ADK: variants seen among roughly 807,000 people sequenced by gnomAD.
The protein encoded by ADK is adenosine kinase.
In ADK, 24 loss-of-function variants were observed where a neutral mutation model predicts 44.7. The observed-to-expected ratio is 0.54, with a 90% CI of 0.39 to 0.76. The LOEUF (loss-of-function observed/expected upper bound fraction) is 0.76. Among genes scored for constraint, ADK ranks in the 30% least tolerant of loss-of-function variants. The pLI, the probability that ADK is intolerant of heterozygous loss-of-function variation, is 0.00. For synonymous variants in ADK, 128 were observed against 142.6 expected (o/e 0.90, Z 0.73); for missense variants, 321 against 425.1 (o/e 0.76, Z 2.15).
intron 3 of ADK, among the ~76,000 whole-genome samples, chr10:74,291,809 G>GTAT (rs1847450423): frequency 6.6e-6 from 1 of 151,140 alleles, no homozygotes; most frequent in African/African-American, 2.4e-5. Flanking sequence ...TGTATTATGT[G>GTAT]TATCATAATG....
intron 7 of ADK, among the ~76,000 whole-genome samples, chr10:74,532,303 C>T (rs949214935): frequency 3.3e-5 from 5 of 151,926 alleles, no homozygotes; most frequent in South Asian, 2.1e-4. Flanking sequence ...CATTGCAAAA[C>T]CTCATCTCTA....
At chr10:74,587,144 CT>C (rs1416735983) in intron 7 of ADK, among the ~76,000 whole-genome samples, 2 of 151,948 alleles carry the variant, frequency 1.3e-5, no homozygotes, top group African/African-American at 4.8e-5. Flanking sequence ...TTTTTGTTGT[CT>C]TTTTCATATA....
chr10:74,619,454 CAA>C (rs778661291), intron 9 of ADK, among the ~76,000 whole-genome samples: 2 of 129,414 alleles, frequency 1.5e-5, no homozygotes, highest in Admixed American at 7.9e-5. Flanking sequence ...GTCTCTGTCT[CAA>C]AAAAAAAAAA....
chr10:74,476,871 C>G (rs1015747051), intron 6 of ADK, among the ~76,000 whole-genome samples: 1 of 152,128 alleles, frequency 6.6e-6, no homozygotes, highest in African/African-American at 2.4e-5. Flanking sequence ...TCTAGAATGT[C>G]ACATACATGA....
chr10:74,175,476 T>A (rs1183349312), intron 1 of ADK, among the ~76,000 whole-genome samples: 1 of 152,188 alleles, frequency 6.6e-6, no homozygotes. Context: ...GAATTAAAAT[T>A]AAATAAATTA....
intron 6 of ADK, among the ~76,000 whole-genome samples, chr10:74,417,692 A>G (rs778814676): frequency 7.9e-5 from 12 of 151,852 alleles, no homozygotes; most frequent in Non-Finnish European, 1.6e-4. Flanking sequence ...TTCCATAACT[A>G]TCATTTCTGG....
In ADK at chr10:74,353,411, G is replaced by A. The variant is rs115489075; in HGVS notation, c.273+38666G>A. 4.9e-3 allele frequency among the ~76,000 whole-genome samples: 746 copies of A among 152,140 alleles called. 4 individuals carry two copies. The highest frequency in any genetic ancestry group is 0.017 in the African/African-American group (702 of 41,510). ...ATAACATACCTGGGCCAGCTGGTGG[G>A]TAGGGGTCAAGGGGAGGGAGAGGAT... On this transcript the variant is annotated intron_variant, in intron 4 of 10. Transcript: ENST00000539909.
chr10:74,506,146 G>C (rs1024256519), intron 6 of ADK: 1 of 154,168 alleles, frequency 6.5e-6, no homozygotes, highest in Admixed American at 6.5e-5. Flanking sequence ...TAGCAATTCT[G>C]TACTCACATT....
chr10:74,505,524 T>TA (rs1848037184), intron 6 of ADK, among the ~76,000 whole-genome samples: 1 of 151,790 alleles, frequency 6.6e-6, no homozygotes, highest in African/African-American at 2.4e-5. Flanking sequence ...CCACTTTTTT[T>TA]TTTTTTTTTT....
chr10:74,376,098 T>C (rs1212079123), intron 4 of ADK, among the ~76,000 whole-genome samples: 2 of 152,144 alleles, frequency 1.3e-5, no homozygotes, highest in African/African-American at 4.8e-5. Flanking sequence ...GTTTGAACTC[T>C]GTATTTTTCT....
At chr10:74,637,430 G>A (rs978499013) in intron 9 of ADK, among the ~76,000 whole-genome samples, 6 of 152,210 alleles carry the variant, frequency 3.9e-5, no homozygotes, top group Admixed American at 3.3e-4. Flanking sequence ...GAATTGCTGT[G>A]AATGTTCTAA....
At chr10:74,172,036 G>A (rs1842173404) in intron 1 of ADK, among the ~76,000 whole-genome samples, 1 of 151,724 alleles carries the variant, frequency 6.6e-6, no homozygotes, top group Non-Finnish European at 1.5e-5. Context: ...TGTAACTGCT[G>A]ACACGACTGG....
intron 7 of ADK, chr10:74,527,500 AGAATGTGGAGGGACC>A (rs1249106655): frequency 3.3e-6 from 2 of 597,764 alleles, no homozygotes; most frequent in African/African-American, 3.7e-5. Context: ...AATTAAGGAG[AGAATGTGGAGGGACC>A]TTTTGAAAAA....
At chr10:74,606,191 C>T (rs1852318458) in intron 9 of ADK, among the ~76,000 whole-genome samples, 1 of 152,096 alleles carries the variant, frequency 6.6e-6, no homozygotes, top group South Asian at 2.1e-4. Flanking sequence ...TGCAAAAAAC[C>T]AGCTCCTGGA....
intron 3 of ADK, among the ~76,000 whole-genome samples, chr10:74,274,124 G>A (rs1846559845): frequency 1.3e-5 from 2 of 152,006 alleles, no homozygotes; most frequent in Admixed American, 1.3e-4. Context: ...ATTGACATAC[G>A]ACTTTTTACT....
rs565865743 is a variant in ADK, at chr10:74,548,072, G to A, written c.726+22646G>A. 6.6e-5 allele frequency among the ~76,000 whole-genome samples: 10 copies of A among 152,282 alleles called. No individual in the cohort carries two copies. In the East Asian group the frequency reaches 1.2e-3, roughly 18 times the overall value. ...CTCCCAAAGTGCTGGGATTACAGGC[G>A]TGAGTCACCACACCTGGCCACTTAA... On this transcript the variant is annotated intron_variant, in intron 7 of 10. Transcript: ENST00000539909.
At chr10:74,291,223 T>A (rs1193489828) in intron 3 of ADK, among the ~76,000 whole-genome samples, 1 of 152,130 alleles carries the variant, frequency 6.6e-6, no homozygotes, top group Non-Finnish European at 1.5e-5. Context: ...AAGACCATCC[T>A]GGCTAACACG....
intron 4 of ADK, among the ~76,000 whole-genome samples, chr10:74,381,898 G>A (rs1454633285): frequency 2.0e-5 from 3 of 152,142 alleles, no homozygotes; most frequent in African/African-American, 7.2e-5. Context: ...TTACTGCCTT[G>A]AGGGATTTTG....
At chr10:74,329,548 A>G (rs992367543) in intron 4 of ADK, among the ~76,000 whole-genome samples, 4 of 152,206 alleles carry the variant, frequency 2.6e-5, no homozygotes, top group Non-Finnish European at 4.4e-5. Context: ...ATCTCTACAT[A>G]AAAATTAGCA....
Sources: gnomAD v4.1 joint callset for allele counts (sites outside exome capture counted in the v4.1 genomes callset) on GRCh38, gnomAD v4.1.1 for gene constraint, MANE v1.5 for transcripts, NCBI Gene and HGNC (gene_info 2026-07-23, HGNC 2026-07-21) for gene names.